Variants in KATNBL1 observed in about 807,000 individuals in gnomAD.
KATNBL1 encodes KATNB1-like protein 1.
In KATNBL1, 28 loss-of-function variants were observed where a neutral mutation model predicts 44.7. The observed-to-expected ratio is 0.63, with a 90% CI of 0.46 to 0.86. The LOEUF is 0.86. Ranked by LOEUF, KATNBL1 falls within the 40% of genes least tolerant of loss-of-function variation. The pLI, the probability that KATNBL1 is intolerant of heterozygous loss-of-function variation, is 0.00. For missense variants in KATNBL1, 272 were observed against 350.7 expected, an observed-to-expected ratio of 0.78 and a Z score of 1.79; for synonymous variants, 78 against 114.9, an observed-to-expected ratio of 0.68 and a Z score of 2.06.
intron 2 of KATNBL1, among the ~76,000 whole-genome samples, chr15:34,162,030 C>A (rs1235057949): frequency 1.3e-5 from 2 of 152,112 alleles, no homozygotes; most frequent in African/African-American, 4.8e-5. Flanking sequence ...TGATTGATAT[C>A]AACAAATCTA....
chr15:34,146,923 C>T lies in KATNBL1; in HGVS notation c.699-73G>A. On this transcript the variant is annotated intron_variant, in intron 7 of 9. Transcript: ENST00000256544. The stretch of plus-strand genomic sequence containing the variant: ...CCTTCTTATAAAAGATGATACTTTC[C>T]CTCCCAAAAAACACACACACACATT... The T allele has an allele frequency of 3.1e-6, 3 of 971,872 alleles. No homozygotes were observed. In the Admixed American group the frequency reaches 5.7e-5, roughly 18 times the overall value. The allele number at this position is 971,872 out of a possible 1,614,324, so 60.2% of individuals were successfully genotyped here.
Position 34,153,037 on chromosome 15 carries a change from T to G in KATNBL1, c.191A>C (p.Lys64Thr). 6.2e-7 allele frequency: 1 copy of G among 1,612,250 alleles called. No individual in the cohort carries two copies. The highest frequency in any genetic ancestry group is 8.5e-7 in the Non-Finnish European group (1 of 1,178,956). ...TCTGCGATAGATCACTTTACGAAGT[T>G]TATCTGGGCTTTTCACAGTTTGTCC... The part of the protein sequence containing the change: ...TVGQTVKSPD[K>T]LRKVIYRRKK... The change falls in exon 4 of 10, where the codon AAA becomes ACA. Residue 64 changes from lysine to threonine, a missense_variant. Around this residue, in one of 3 missense-constraint regions of KATNBL1, gnomAD observed 122 missense variants for 125.0 expected, o/e 0.98. Transcript: ENST00000256544.
chr15:34,147,090 A>C (rs1888331424), intron 7 of KATNBL1, 110 bp downstream of exon 7: 8 of 694,700 alleles, frequency 1.2e-5, no homozygotes, highest in South Asian at 7.4e-5. Context: ...AGCTTCTTGA[A>C]AACAGAAACC....
intron 4 of KATNBL1, among the ~76,000 whole-genome samples, chr15:34,152,443 C>G (rs555329235): frequency 6.6e-6 from 1 of 152,334 alleles, no homozygotes; most frequent in South Asian, 2.1e-4. Context: ...ACCTCGTGAT[C>G]CACCCACCTC....
intron 1 of KATNBL1, among the ~76,000 whole-genome samples, chr15:34,201,032 G>C (rs1464811990): frequency 6.6e-6 from 1 of 151,992 alleles, no homozygotes; most frequent in African/African-American, 2.4e-5. Flanking sequence ...GGCCAGAATG[G>C]TCTCGATCTC....
At chr15:34,159,803 A>C (rs8035493) in intron 2 of KATNBL1, among the ~76,000 whole-genome samples, 84,747 of 152,068 alleles carry the variant, frequency 0.56, 24,553 homozygotes, top group East Asian at 0.7. Flanking sequence ...GGAATTAATA[A>C]ATTTGATACT....
rs568557179 is a variant in KATNBL1 at position 34,156,242 on chromosome 15, G to T, written c.118-1558C>A. On this transcript the variant is annotated intron_variant, in intron 2 of 9. Coordinates refer to ENST00000256544, the MANE Select transcript of KATNBL1 (RefSeq NM_024713.3). ...GAGACACAAAATGAACTCAGTGTCG[G>T]GAGACAGAAGCTGGATGGCCCTCGG... 1.2e-4 allele frequency among the ~76,000 whole-genome samples: 18 copies of T among 152,304 alleles called. No homozygotes were observed. In the South Asian group the frequency reaches 3.5e-3, roughly 30 times the overall value.
chr15:34,146,375 C>G (rs12594077), intron 8 of KATNBL1: 103,439 of 158,860 alleles, frequency 0.65, 34,688 homozygotes, highest in Non-Finnish European at 0.72. Context: ...GTTTTTAGAA[C>G]TGTAAACATC....
chr15:34,207,886 G>C (rs1890336468), intron 1 of KATNBL1, among the ~76,000 whole-genome samples: 1 of 152,126 alleles, frequency 6.6e-6, no homozygotes, highest in South Asian at 2.1e-4. Flanking sequence ...TACCAACCCT[G>C]CCTAGCCCCA....
intron 1 of KATNBL1, among the ~76,000 whole-genome samples, chr15:34,188,137 T>TAAAAAAAAAAAAA (rs1201268078): frequency 0.082 from 1,812 of 22,164 alleles, 179 homozygotes; most frequent in East Asian, 0.14. Flanking sequence ...AGACGCCATG[T>TAAAAAAAAAAAAA]AAAAAAAAAA....
intron 1 of KATNBL1, among the ~76,000 whole-genome samples, chr15:34,201,044 T>C (rs1234955397): frequency 6.6e-6 from 1 of 152,116 alleles, no homozygotes; most frequent in African/African-American, 2.4e-5. Context: ...CTCGATCTCC[T>C]GACCTCGTGA....
At chr15:34,191,303 T>C (rs1361989746) in intron 1 of KATNBL1, among the ~76,000 whole-genome samples, 1 of 151,308 alleles carries the variant, frequency 6.6e-6, no homozygotes, top group East Asian at 1.9e-4. Flanking sequence ...CATAACAGTC[T>C]ATTAGGTGGC....
At chr15:34,178,008 C>A (rs1196165587) in intron 1 of KATNBL1, 1 of 152,058 alleles carries the variant, frequency 6.6e-6, no homozygotes, top group African/African-American at 2.4e-5. Context: ...CACTATAATA[C>A]AATACATAAA....
chr15:34,163,793 G>T, intron 1 of KATNBL1, 103 bp from the exon 2 acceptor site: 1 of 577,644 alleles, frequency 1.7e-6, no homozygotes. Flanking sequence ...ATATAAAAAA[G>T]GCAGAGGACA....
intron 9 of KATNBL1, chr15:34,145,021 A>C (rs1374721851): frequency 1.0e-6 from 1 of 960,066 alleles, no homozygotes; most frequent in Non-Finnish European, 1.2e-6. Context: ...CAAAAGTAAA[A>C]CTTAATCTCC....
At chr15:34,171,612 T>G (rs1458975725) in intron 1 of KATNBL1, among the ~76,000 whole-genome samples, 1 of 152,234 alleles carries the variant, frequency 6.6e-6, no homozygotes, top group Non-Finnish European at 1.5e-5. Context: ...TTATAAATCA[T>G]GCTACTATAA....
At position 34,193,851 on chromosome 15, in the gene KATNBL1, C is replaced by CA. The variant is rs58951561; in HGVS notation, c.-15+16099dup. Reference sequence around the variant, plus strand: ...TGGGTGACAGAGAAAGGCCCTGTCTCAAAAAAAAAAAAAAAAAAAAAAAAA... The same window carrying CA: ...TGGGTGACAGAGAAAGGCCCTGTCTCAAAAAAAAAAAAAAAAAAAAAAAAAA... On this transcript the variant is annotated intron_variant, in intron 1 of 9. Coordinates refer to ENST00000256544, the MANE Select transcript of KATNBL1 (RefSeq NM_024713.3). 4.7e-3 allele frequency among the ~76,000 whole-genome samples: 296 copies of CA among 63,552 alleles called. 13 individuals are homozygous for CA. The highest frequency in any genetic ancestry group is 0.016 in the African/African-American group (252 of 16,168). The allele number at this position is 63,552 out of a possible 152,430, so 41.7% of individuals were successfully genotyped here.
chr15:34,141,835 TATTG>T lies in KATNBL1; in HGVS notation c.*500_*503del, dbSNP rs1159120184. 6.7e-6 allele frequency: 1 copy of T among 149,702 alleles called. No homozygotes were observed. Among genetic ancestry groups the T allele is most frequent in the Middle Eastern group, 3.2e-3 (1 of 312 alleles). The allele number at this position is 149,702 out of a possible 1,614,324, so 9.3% of individuals were successfully genotyped here. A position where few individuals can be genotyped will look rare whatever the true frequency, so the allele number is the denominator to read the frequency against. On this transcript the variant is annotated 3_prime_UTR_variant, in exon 10 of 10. Transcript: ENST00000256544. ...CTCAGTGTGAACAAAAAATGTTTAA[TATTG>T]ATTTTTTTCATGTTTTAAACTTTCA...
At chr15:34,155,133 G>A (rs185565109) in intron 2 of KATNBL1, among the ~76,000 whole-genome samples, 1 of 152,282 alleles carries the variant, frequency 6.6e-6, no homozygotes, top group Non-Finnish European at 1.5e-5. Flanking sequence ...TAAAGAATGA[G>A]GAAGTTAAAC....
Sources: allele counts gnomAD v4.1 joint callset (sites outside exome capture counted in the v4.1 genomes callset), GRCh38; gene constraint gnomAD v4.1.1; regional missense constraint gnomAD v4.1.1; transcripts MANE v1.5; gene names NCBI Gene and HGNC (gene_info 2026-07-23, HGNC 2026-07-21).